UBXN1: variants seen among roughly 807,000 people sequenced by gnomAD.
UBXN1 encodes the protein UBX domain-containing protein 1.
A neutral mutation model predicts 42.0 loss-of-function variants in UBXN1; 21 were observed. The ratio of observed to expected loss-of-function variants is 0.50; its 90% CI spans 0.35 to 0.72. UBXN1 has a LOEUF of 0.72. UBXN1 is among the 30% of genes least tolerant of loss of function. UBXN1 has a pLI of 0.00. For missense variants in UBXN1, 374 were observed against 382.2 expected, an observed-to-expected ratio of 0.98 and a Z score of 0.18; for synonymous variants, 172 against 142.6, an observed-to-expected ratio of 1.21 and a Z score of -1.47.
rs755820332 is a variant in UBXN1 at position 62,678,728 on chromosome 11, G to A, written c.75C>T (p.Ala25=). The A allele has an allele frequency of 2.5e-6, 4 of 1,613,254 alleles. No individual in the cohort carries two copies. The highest frequency in any genetic ancestry group is 2.2e-5 in the South Asian group (2 of 91,072). Residue 25 remains alanine, a synonymous_variant, in exon 2 of 9, where the codon GCC becomes GCT. Transcript: ENST00000301935. ...FPRGRAEKAL[A]LTGNQGIEAA... ...CCTCGATGCCCTGGTTCCCTGTGAG[G>A]GCCAGAGCCTTCTCCCTGGGGGCAG... is the stretch of plus-strand genomic sequence containing the variant.
rs1192342240 is a variant in UBXN1 at position 62,678,409 on chromosome 11, C to A, written c.221-1G>T. The A allele has an allele frequency of 1.2e-6, 2 of 1,614,134 alleles. No homozygotes were observed. The highest frequency in any genetic ancestry group is 1.6e-4 in the Middle Eastern group (1 of 6,062). ...CCTTCTCCGGCAGCAGAACCAGATC[C>A]TACAAACAAACAATCGGTATTATTA... On this transcript the variant is annotated splice_acceptor_variant, in intron 3 of 8. Coordinates refer to ENST00000301935, the MANE Select transcript of UBXN1 (RefSeq NM_001286077.2). LOFTEE classifies it high-confidence loss of function.
chr11:62,676,616 T>G lies in UBXN1; in HGVS notation c.868A>C (p.Ile290Leu). The change falls in exon 9 of 9, where the codon ATT becomes CTT. Residue 290 changes from isoleucine to leucine, a missense_variant. Transcript: ENST00000301935. ...ELGLVPSAVL[I>L]VAKKCPS ...CAGCTGGGACATTTCTTGGCCACAA[T>G]GAGAACAGCAGAAGGCACGAGTCCT... 1.9e-6 allele frequency: 3 copies of G among 1,612,608 alleles called. No homozygotes were observed. The highest frequency in any genetic ancestry group is 2.5e-6 in the Non-Finnish European group (3 of 1,179,676).
intron 1 of UBXN1, 46 bp from the exon 2 acceptor site, chr11:62,678,789 G>T (rs376066954): frequency 4.4e-5 from 71 of 1,612,258 alleles, no homozygotes; most frequent in Middle Eastern, 1.6e-4. Flanking sequence ...CCATGGTGAC[G>T]GTCAGGCTGG....
intron 7 of UBXN1, 83 bp downstream of exon 7, chr11:62,677,435 G>C (rs1030421922): frequency 7.2e-7 from 1 of 1,383,296 alleles, no homozygotes; most frequent in Non-Finnish European, 1.0e-6. Context: ...CAAAGGGCAC[G>C]TTAACTGAAA....
Position 62,678,680 on chromosome 11 carries a change from G to A in UBXN1, c.113+10C>T. ...CCCCCAATTCTCCGCCACCCGGGAC[G>A]AGCGCTTACCAGTCCATCGCAGCCT... is the stretch of plus-strand genomic sequence containing the variant. On this transcript the variant is annotated intron_variant, in intron 2 of 8. Transcript: ENST00000301935. 10 of 1,339,006 alleles carry A rather than the reference G, an allele frequency of 7.5e-6. No individual in the cohort carries two copies. The highest frequency in any genetic ancestry group is 1.0e-5 in the Non-Finnish European group (10 of 997,484). 82.9% of individuals were successfully genotyped at this position (1,339,006 alleles called of 1,614,324 possible).
Position 62,678,333 on chromosome 11 carries a change from C to G in UBXN1, c.290+6G>C. Reference sequence around the variant, plus strand: ...CCTCAGACACGTGAGATTGTTGTTACTGTACCTCTTAGTTTGTTCCTGTCT... The same window carrying G: ...CCTCAGACACGTGAGATTGTTGTTAGTGTACCTCTTAGTTTGTTCCTGTCT... On this transcript the variant is annotated splice_donor_region_variant and intron_variant, in intron 4 of 8. Transcript: ENST00000301935. 6.2e-7 allele frequency: 1 copy of G among 1,614,182 alleles called. No individual in the cohort carries two copies. The highest frequency in any genetic ancestry group is 1.1e-5 in the South Asian group (1 of 91,086).
chr11:62,677,961 TCTC>T lies in UBXN1; in HGVS notation c.445_447del (p.Glu149del), dbSNP rs1565135321. 6.2e-7 allele frequency: 1 copy of T among 1,614,056 alleles called. No individual in the cohort carries two copies. The highest frequency in any genetic ancestry group is 8.5e-7 in the Non-Finnish European group (1 of 1,179,944). Reference sequence around the variant, plus strand: ...AACTCCTCGGCCTTTTCCCTCCGCCTCTCCTCAGCAGCCCGGCGCATCTCATCT... The same window carrying T: ...AACTCCTCGGCCTTTTCCCTCCGCCTCTCAGCAGCCCGGCGCATCTCATCT... On this transcript the variant is annotated inframe_deletion, in exon 5 of 9. Coordinates refer to ENST00000301935, the MANE Select transcript of UBXN1 (RefSeq NM_001286077.2).
At position 62,676,911 on chromosome 11, in the gene UBXN1, T is replaced by C; in HGVS notation, c.746A>G (p.Glu249Gly). 6.2e-7 allele frequency: 1 copy of C among 1,613,688 alleles called. No individual in the cohort carries two copies. Among genetic ancestry groups the C allele is most frequent in the East Asian group, 2.2e-5 (1 of 44,880 alleles). ...AGGGTCCTGGCCCCCACCTAGTTCC[T>C]CCCCACGGTGGAGCTCCACATAGAG... The part of the protein sequence containing the change: ...VRLYVELHRG[E>G]ELGGGQDPVQ... The change falls in exon 8 of 9, where the codon GAG (glutamate) becomes GGG (glycine). Residue 249 changes from glutamate (E) to glycine (G), a missense_variant. Transcript: ENST00000301935.
Position 62,679,030 on chromosome 11 carries a change from C to G in UBXN1, c.-107G>C, listed in dbSNP as rs913388254. The G allele has an allele frequency of 1.8e-5, 22 of 1,245,582 alleles. No homozygotes were observed. Among genetic ancestry groups the G allele is most frequent in the Non-Finnish European group, 2.4e-5 (22 of 903,742 alleles). 77.2% of individuals were successfully genotyped at this position (1,245,582 alleles called of 1,614,324 possible). ...CTCGACACCCGCCGACGGGCGCTCG[C>G]TCTCTCACCCGGCTCTATAGCAGCC... On this transcript the variant is annotated 5_prime_UTR_variant, in exon 1 of 9. Coordinates refer to ENST00000301935, the MANE Select transcript of UBXN1 (RefSeq NM_001286077.2).
chr11:62,677,491 G>A lies in UBXN1; in HGVS notation c.651+27C>T, dbSNP rs372912467. 5.6e-6 allele frequency: 9 copies of A among 1,611,458 alleles called. No homozygotes were observed. In the Admixed American group the frequency reaches 1.3e-4, roughly 24 times the overall value. On this transcript the variant is annotated intron_variant, in intron 7 of 8. Transcript: ENST00000301935. Reference sequence around the variant, plus strand: ...TTAACACGGAACAAAGGGGTCCCAAGAGGAAGATAAGAATTAGAATCAGTA... The same window carrying A: ...TTAACACGGAACAAAGGGGTCCCAAAAGGAAGATAAGAATTAGAATCAGTA...
Position 62,677,628 on chromosome 11 carries a change from C to T in UBXN1, c.541G>A (p.Gly181Ser), listed in dbSNP as rs764962905. The change falls in exon 7 of 9, where the codon GGC (glycine) becomes AGC (serine). Residue 181 changes from glycine to serine, a missense_variant. Physicochemically the swap from Gly to Ser is moderately conservative, Grantham distance 56. Coordinates refer to ENST00000301935, the MANE Select transcript of UBXN1 (RefSeq NM_001286077.2). The part of the protein sequence containing the change: ...DKAERAKKYG[G>S]SVGSQPPPVA... ...GGGGGTGGCTGAGAGCCCACACTGC[C>T]ACCATACTAAAGGGCAAAGTAAAAC... 6.2e-7 allele frequency: 1 copy of T among 1,612,272 alleles called. No homozygotes were observed. Among genetic ancestry groups the T allele is most frequent in the Non-Finnish European group, 8.5e-7 (1 of 1,179,254 alleles).
intron 5 of UBXN1, 24 bp from the exon 6 acceptor site, chr11:62,677,856 T>G: frequency 6.2e-7 from 1 of 1,614,212 alleles, no homozygotes; most frequent in East Asian, 2.2e-5. Context: ...AAGAAGAAAT[T>G]AGGTCAGACA....
In UBXN1 at chr11:62,678,961, T is replaced by C. The variant is rs763340554; in HGVS notation, c.-38A>G. The C allele has an allele frequency of 6.4e-7, 1 of 1,551,480 alleles. No individual in the cohort carries two copies. Among genetic ancestry groups the C allele is most frequent in the Non-Finnish European group, 8.7e-7 (1 of 1,152,016 alleles). On this transcript the variant is annotated 5_prime_UTR_variant, in exon 1 of 9. Transcript: ENST00000301935. Reference sequence around the variant, plus strand: ...GCGGCTTCCGCGGGGACCTGGTGTGTGACGAGAAGGAGGGCGGGAAGGGTC... The same window carrying C: ...GCGGCTTCCGCGGGGACCTGGTGTGCGACGAGAAGGAGGGCGGGAAGGGTC...
In UBXN1 at chr11:62,678,702, G is replaced by C; in HGVS notation, c.101C>G (p.Ala34Gly). 6.5e-7 allele frequency: 1 copy of C among 1,535,500 alleles called. No homozygotes were observed. Among genetic ancestry groups the C allele is most frequent in the Non-Finnish European group, 8.8e-7 (1 of 1,133,648 alleles). Reference sequence around the variant, plus strand: ...GACGAGCGCTTACCAGTCCATCGCAGCCTCGATGCCCTGGTTCCCTGTGAG... The same window carrying C: ...GACGAGCGCTTACCAGTCCATCGCACCCTCGATGCCCTGGTTCCCTGTGAG... ...LALTGNQGIE[A>G]AMDWLMEHED... The change falls in exon 2 of 9, where the codon GCT (alanine) becomes GGT (glycine). Residue 34 changes from alanine (A) to glycine (G), a missense_variant. By Grantham distance (60) the Ala-to-Gly change is moderately conservative. Coordinates refer to ENST00000301935, the MANE Select transcript of UBXN1 (RefSeq NM_001286077.2).
chr11:62,677,737 A>G (rs573217985), intron 6 of UBXN1, 44 bp downstream of exon 6: 31 of 1,614,012 alleles, frequency 1.9e-5, no homozygotes, highest in Non-Finnish European at 2.5e-5. Context: ...AAGATTTACT[A>G]ACCTGCCCAC....
Position 62,678,698 on chromosome 11 carries a change from C to A in UBXN1, c.105G>T (p.Ala35=). ...CCGGGACGAGCGCTTACCAGTCCAT[C>A]GCAGCCTCGATGCCCTGGTTCCCTG... is the stretch of plus-strand genomic sequence containing the variant. ...ALTGNQGIEA[A]MDWLMEHEDD... Residue 35 remains alanine, a synonymous_variant, in exon 2 of 9, where the codon GCG becomes GCT. Transcript: ENST00000301935. The A allele has an allele frequency of 6.8e-7, 1 of 1,465,390 alleles. No individual in the cohort carries two copies. The highest frequency in any genetic ancestry group is 9.2e-7 in the Non-Finnish European group (1 of 1,086,714). The allele number at this position is 1,465,390 out of a possible 1,614,324, so 90.8% of individuals were successfully genotyped here.
chr11:62,676,795 C>T lies in UBXN1; in HGVS notation c.844+18G>A, dbSNP rs1290723531. The T allele has an allele frequency of 1.2e-6, 2 of 1,614,070 alleles. No individual in the cohort carries two copies. Among genetic ancestry groups the T allele is most frequent in the Admixed American group, 1.7e-5 (1 of 60,002 alleles). On this transcript the variant is annotated intron_variant, in intron 8 of 8. Transcript: ENST00000301935. ...CTCCCCCAGTTTCTAGTCCTGGTTT[C>T]TAGTCTTGCAGCCATACCCAGCTCC...
rs1945030542 is a variant in UBXN1, at chr11:62,677,024, A to C, written c.652-19T>G. The C allele has an allele frequency of 6.2e-7, 1 of 1,600,556 alleles. No homozygotes were observed. Among genetic ancestry groups the C allele is most frequent in the Non-Finnish European group, 8.5e-7 (1 of 1,176,548 alleles). Reference sequence around the variant, plus strand: ...GCCTGACCTAAAGGGCAAGGGAGATACTCAGTATTGTGGGCATCAAAACTG... The same window carrying C: ...GCCTGACCTAAAGGGCAAGGGAGATCCTCAGTATTGTGGGCATCAAAACTG... On this transcript the variant is annotated intron_variant, in intron 7 of 8. Coordinates refer to ENST00000301935, the MANE Select transcript of UBXN1 (RefSeq NM_001286077.2).
chr11:62,677,940 C>T lies in UBXN1; in HGVS notation c.469G>A (p.Glu157Lys), dbSNP rs769224763. 1.6e-5 allele frequency: 26 copies of T among 1,613,890 alleles called. No individual in the cohort carries two copies. Among genetic ancestry groups the T allele is most frequent in the Non-Finnish European group, 2.0e-5 (24 of 1,179,882 alleles). Residue 157 changes from glutamate (E) to lysine (K), a missense_variant, in exon 5 of 9, where the codon GAG (glutamate) becomes AAG (lysine). Glu to Lys is a moderately conservative substitution (Grantham distance 56, BLOSUM62 1). Transcript: ENST00000301935. ...CCCTGCCCAGACCTGGCTGCTAACT[C>T]CTCGGCCTTTTCCCTCCGCCTCTCC... ...AEERRREKAE[E>K]LAARQRVREK...
Sources: allele counts gnomAD v4.1 joint callset, GRCh38; gene constraint gnomAD v4.1.1; transcripts MANE v1.5; gene names NCBI Gene and HGNC (gene_info 2026-07-23, HGNC 2026-07-21).